Variants in TANGO6 observed in about 807,000 individuals in gnomAD.
TANGO6 encodes the protein transport and Golgi organization protein 6 homolog.
A neutral mutation model predicts 114.2 loss-of-function variants in TANGO6; 90 were observed. The observed-to-expected ratio is 0.79, with a 90% CI of 0.66 to 0.94. The LOEUF is 0.94. Among genes scored for constraint, TANGO6 ranks in the 40% least tolerant of loss-of-function variants. The probability of loss-of-function intolerance (pLI) is 0.00; values close to 1 mark genes in which losing one functional copy is unlikely to be tolerated. For missense variants in TANGO6, 1,274 were observed against 1,315.3 expected (o/e 0.97, Z 0.49); for synonymous variants, 477 against 509.8 (o/e 0.94, Z 0.87).
At chr16:68,845,802 A>C (rs1043021686) in intron 1 of TANGO6, among the ~76,000 whole-genome samples, 2 of 151,882 alleles carry the variant, frequency 1.3e-5, no homozygotes, top group Non-Finnish European at 2.9e-5. Flanking sequence ...CCATGATTAC[A>C]CTAGTGTGCT....
intron 15 of TANGO6, among the ~76,000 whole-genome samples, chr16:69,008,897 T>C (rs2861406): frequency 0.12 from 18,481 of 151,552 alleles, 1,657 homozygotes; most frequent in African/African-American, 0.25. Context: ...CCCATCTCAG[T>C]CTCCCAAATG....
At chr16:68,934,228 T>C (rs1963277237) in intron 14 of TANGO6, among the ~76,000 whole-genome samples, 1 of 151,966 alleles carries the variant, frequency 6.6e-6, no homozygotes, top group South Asian at 2.1e-4. Flanking sequence ...AAAAAACATT[T>C]TGTAGAGATG....
intron 14 of TANGO6, among the ~76,000 whole-genome samples, chr16:68,955,706 A>G (rs1597035538): frequency 6.6e-6 from 1 of 152,364 alleles, no homozygotes; most frequent in East Asian, 1.9e-4. Context: ...AGTCTGATAT[A>G]CTATTAGTAA....
chr16:68,918,132 T>C (rs540737238), intron 11 of TANGO6, among the ~76,000 whole-genome samples: 1 of 152,178 alleles, frequency 6.6e-6, no homozygotes, highest in South Asian at 2.1e-4. Flanking sequence ...TGGTCTCGAC[T>C]CCTAACCTCA....
chr16:69,067,642 A>G (rs1960237043), intron 17 of TANGO6, among the ~76,000 whole-genome samples: 1 of 150,658 alleles, frequency 6.6e-6, no homozygotes, highest in East Asian at 2.0e-4. Context: ...ACATGGTGAA[A>G]CCCTGTCTCT....
In TANGO6 at chr16:69,058,332, A is replaced by C. The variant is rs79594694; in HGVS notation, c.3108+17911A>C. Among the ~76,000 whole-genome samples the C allele has an allele frequency of 5.2e-4, 79 of 152,356 alleles. 1 individual carries two copies. In the East Asian group the frequency reaches 0.014, roughly 26 times the overall value. The stretch of plus-strand genomic sequence containing the variant: ...TTTGATACTTAATAGTAATATAACT[A>C]ATCCTGTTTAAGGGTTTATTGTATG... On this transcript the variant is annotated intron_variant, in intron 17 of 17. Coordinates refer to ENST00000261778, the MANE Select transcript of TANGO6 (RefSeq NM_024562.2).
At chr16:69,056,668 G>T (rs1303477986) in intron 17 of TANGO6, among the ~76,000 whole-genome samples, 1 of 151,942 alleles carries the variant, frequency 6.6e-6, no homozygotes, top group Non-Finnish European at 1.5e-5. Flanking sequence ...GATACTTTGG[G>T]AAATAATGCA....
rs905515771 is a variant in TANGO6, at chr16:69,046,060, A to G, written c.3108+5639A>G. 3.6e-5 allele frequency among the ~76,000 whole-genome samples: 4 copies of G among 110,178 alleles called. No individual in the cohort carries two copies. The Admixed American group carries it at 3.9e-4, about 11-fold the overall frequency. The allele number at this position is 110,178 out of a possible 152,430, so 72.3% of individuals were successfully genotyped here. A position where few individuals can be genotyped will look rare whatever the true frequency, so the allele number is the denominator to read the frequency against. On this transcript the variant is annotated intron_variant, in intron 17 of 17. Transcript: ENST00000261778. ...GTCTGGGTGATAGAGCGAGACTCCAACTCAAAAAAAAAAAAAAAAAAATTA... is the reference window on the plus strand; with the variant it reads ...GTCTGGGTGATAGAGCGAGACTCCAGCTCAAAAAAAAAAAAAAAAAAATTA...
intron 15 of TANGO6, among the ~76,000 whole-genome samples, chr16:69,002,668 C>T (rs528910663): frequency 3.9e-5 from 6 of 152,234 alleles, no homozygotes; most frequent in Admixed American, 3.3e-4. Flanking sequence ...ATTACCCAGT[C>T]TCGGCTGTGT....
rs1962335486 is a variant in TANGO6 at position 68,875,195 on chromosome 16, G to C, written c.1036G>C (p.Asp346His). ...AAGTGATGCTGAGGTGACGGCTGCTGACTGGAAGAAGTGTGACCTGATCGC... is the reference window on the plus strand; with the variant it reads ...AAGTGATGCTGAGGTGACGGCTGCTCACTGGAAGAAGTGTGACCTGATCGC... ...GGSDAEVTAA[D>H]WKKCDLIAKI... is the part of the protein sequence containing the mutation. The change falls in exon 5 of 18, where the codon GAC (aspartate) becomes CAC (histidine). Residue 346 changes from aspartate (D) to histidine (H), a missense_variant. Physicochemically the swap from Asp to His is moderately conservative, Grantham distance 81 (BLOSUM62 -1). Around this residue, in one of 5 missense-constraint regions of TANGO6, gnomAD observed 908 missense variants for 910.2 expected, o/e 1.00. Coordinates refer to ENST00000261778, the MANE Select transcript of TANGO6 (RefSeq NM_024562.2). 6.2e-7 allele frequency: 1 copy of C among 1,613,478 alleles called. No homozygotes were observed. The highest frequency in any genetic ancestry group is 8.5e-7 in the Non-Finnish European group (1 of 1,179,576).
intron 17 of TANGO6, 62 bp from the exon 18 acceptor site, chr16:69,083,423 T>TAG: frequency 3.3e-6 from 5 of 1,529,000 alleles, no homozygotes; most frequent in Non-Finnish European, 4.4e-6. Context: ...AGAGGGCAGT[T>TAG]CAGTCGTACT....
At chr16:69,063,667 A>AAC (rs1960165089) in intron 17 of TANGO6, among the ~76,000 whole-genome samples, 5 of 146,776 alleles carry the variant, frequency 3.4e-5, no homozygotes, top group Admixed American at 6.8e-5. Flanking sequence ...AAAAAAAAAA[A>AAC]AAACAAAGTT....
intron 14 of TANGO6, among the ~76,000 whole-genome samples, chr16:68,970,082 G>A (rs559155213): frequency 9.2e-5 from 14 of 152,154 alleles, no homozygotes; most frequent in Non-Finnish European, 2.1e-4. Context: ...TGGTGGTGGG[G>A]ATGGAATGGA....
At chr16:68,955,337 A>T (rs796638843) in intron 14 of TANGO6, among the ~76,000 whole-genome samples, 24 of 152,346 alleles carry the variant, frequency 1.6e-4, no homozygotes, top group African/African-American at 4.6e-4. Flanking sequence ...TTGTCTTGCA[A>T]TTCAGCAACC....
intron 7 of TANGO6, among the ~76,000 whole-genome samples, chr16:68,888,543 G>C (rs1163216460): frequency 6.6e-6 from 1 of 152,158 alleles, no homozygotes; most frequent in Non-Finnish European, 1.5e-5. Flanking sequence ...GAAAAACTGG[G>C]AGGCACTTAA....
chr16:69,045,331 C>G (rs142741254), intron 17 of TANGO6, among the ~76,000 whole-genome samples: 2,027 of 149,140 alleles, frequency 0.014, 50 homozygotes, highest in South Asian at 0.091. Context: ...GTAGTCCTAG[C>G]TACTCGGGAG....
intron 15 of TANGO6, among the ~76,000 whole-genome samples, chr16:69,013,766 C>T (rs564770914): frequency 1.1e-4 from 17 of 151,340 alleles, no homozygotes; most frequent in East Asian, 5.9e-4. Context: ...AAGCAATTCT[C>T]GTGCCTCAGC....
chr16:69,002,799 T>C (rs1442764797), intron 15 of TANGO6, among the ~76,000 whole-genome samples: 2 of 152,084 alleles, frequency 1.3e-5, no homozygotes, highest in African/African-American at 4.8e-5. Context: ...CCCAGCACTT[T>C]GGGAGGCTGA....
At chr16:68,980,431 A>ATTTTTTT (rs1202654361) in intron 15 of TANGO6, among the ~76,000 whole-genome samples, 1 of 75,966 alleles carries the variant, frequency 1.3e-5, no homozygotes, top group African/African-American at 4.8e-5. Context: ...ATATATATAT[A>ATTTTTTT]TATATTTTTT....
Sources: allele counts gnomAD v4.1 joint callset (sites outside exome capture counted in the v4.1 genomes callset), GRCh38; gene constraint gnomAD v4.1.1; regional missense constraint gnomAD v4.1.1; transcripts MANE v1.5; gene names NCBI Gene and HGNC (gene_info 2026-07-23, HGNC 2026-07-21).